The following EXT1 variants were observed in gnomAD, a reference collection of about 807,000 sequenced individuals.
The protein encoded by EXT1 is exostosin-1.
In EXT1, 20 loss-of-function variants were observed where a neutral mutation model predicts 82.5. The observed-to-expected ratio is 0.24, with a 90% CI of 0.17 to 0.35. EXT1 has a LOEUF of 0.35. Ranked by LOEUF, EXT1 falls within the 10% of genes least tolerant of loss-of-function variation. The pLI, the probability that EXT1 is intolerant of heterozygous loss-of-function variation, is 1.00. For missense variants in EXT1, 757 were observed against 936.5 expected, an observed-to-expected ratio of 0.81 and a Z score of 2.50; for synonymous variants, 348 against 350.8, an observed-to-expected ratio of 0.99 and a Z score of 0.09.
intron 1 of EXT1, among the ~76,000 whole-genome samples, chr8:118,025,374 T>C (rs1816184673): frequency 6.6e-6 from 1 of 152,148 alleles, no homozygotes; most frequent in South Asian, 2.1e-4. Flanking sequence ...CAAAGAATGT[T>C]GGCTCATGGA....
Position 118,045,308 on chromosome 8 carries a change from A to T in EXT1, c.962+64777T>A, listed in dbSNP as rs140221598. On this transcript the variant is annotated intron_variant, in intron 1 of 10. Transcript: ENST00000378204. Reference sequence around the variant, plus strand: ...GCCCCATCACTCAAACAGCAATAGAAGATTTATCGATTTCCTATGCAAAGT... The same window carrying T: ...GCCCCATCACTCAAACAGCAATAGATGATTTATCGATTTCCTATGCAAAGT... Among the ~76,000 whole-genome samples, 643 of 152,334 alleles carry T rather than the reference A, an allele frequency of 4.2e-3. 3 individuals are homozygous for T. The highest frequency in any genetic ancestry group is 0.014 in the African/African-American group (595 of 41,570).
intron 1 of EXT1, among the ~76,000 whole-genome samples, chr8:118,069,109 A>G (rs972166164): frequency 6.6e-6 from 1 of 152,206 alleles, no homozygotes; most frequent in African/African-American, 2.4e-5. Context: ...AGCTGGAGGA[A>G]GCAAGTCATA....
chr8:117,966,024 G>A (rs916371403), intron 1 of EXT1, among the ~76,000 whole-genome samples: 2 of 150,010 alleles, frequency 1.3e-5, no homozygotes, highest in African/African-American at 2.5e-5. Context: ...ATATACACAC[G>A]CACATATACA....
chr8:117,957,140 A>G (rs899756105), intron 1 of EXT1, among the ~76,000 whole-genome samples: 1 of 152,234 alleles, frequency 6.6e-6, no homozygotes, highest in Non-Finnish European at 1.5e-5. Context: ...AGTTACACAC[A>G]CAACGAGGGG....
intron 1 of EXT1, among the ~76,000 whole-genome samples, chr8:118,049,782 A>G (rs1194823303): frequency 6.6e-6 from 1 of 152,104 alleles, no homozygotes; most frequent in Non-Finnish European, 1.5e-5. Flanking sequence ...CAACCACATC[A>G]GCTTAACAAG....
intron 1 of EXT1, among the ~76,000 whole-genome samples, chr8:117,875,242 C>G (rs1425731652): frequency 1.3e-5 from 2 of 152,004 alleles, no homozygotes; most frequent in African/African-American, 2.4e-5. Context: ...CGTGCTGAAA[C>G]CCCATCTCTG....
At chr8:118,098,522 C>T (rs974739413) in intron 1 of EXT1, among the ~76,000 whole-genome samples, 11 of 151,918 alleles carry the variant, frequency 7.2e-5, no homozygotes, top group Non-Finnish European at 1.5e-4. Flanking sequence ...TTTGGGAGGC[C>T]GAGGCGGACA....
chr8:117,816,679 T>C (rs920496073), intron 7 of EXT1, among the ~76,000 whole-genome samples: 1 of 152,134 alleles, frequency 6.6e-6, no homozygotes, highest in Non-Finnish European at 1.5e-5. Context: ...CACCATTTTA[T>C]AAAGAAAGAA....
At chr8:117,860,112 C>G (rs1297470011) in intron 1 of EXT1, among the ~76,000 whole-genome samples, 1 of 145,002 alleles carries the variant, frequency 6.9e-6, no homozygotes, top group South Asian at 2.2e-4. Flanking sequence ...ACGCTACTGC[C>G]CTCCAGCCTG....
chr8:117,883,655 C>A (rs1813099180), intron 1 of EXT1, among the ~76,000 whole-genome samples: 1 of 152,226 alleles, frequency 6.6e-6, no homozygotes, highest in African/African-American at 2.4e-5. Context: ...CAAACCCAAA[C>A]TAGAGCTAAT....
At chr8:117,943,610 T>A (rs1481148262) in intron 1 of EXT1, among the ~76,000 whole-genome samples, 1 of 152,228 alleles carries the variant, frequency 6.6e-6, no homozygotes, top group East Asian at 1.9e-4. Flanking sequence ...CGTACATGCC[T>A]GTGGTGTACA....
intron 1 of EXT1, among the ~76,000 whole-genome samples, chr8:117,850,318 G>A (rs1812431948): frequency 6.6e-6 from 1 of 152,226 alleles, no homozygotes; most frequent in Non-Finnish European, 1.5e-5. Flanking sequence ...CTCTAAAGGC[G>A]ATTGCAGTCT....
chr8:118,017,949 C>A (rs1451199859), intron 1 of EXT1, among the ~76,000 whole-genome samples: 1 of 152,206 alleles, frequency 6.6e-6, no homozygotes, highest in Non-Finnish European at 1.5e-5. Context: ...TGGCTCAGAG[C>A]AATTTCGCTT....
intron 1 of EXT1, among the ~76,000 whole-genome samples, chr8:117,877,056 C>G (rs1451292346): frequency 6.6e-6 from 1 of 152,194 alleles, no homozygotes; most frequent in Non-Finnish European, 1.5e-5. Flanking sequence ...GGTCATGTCA[C>G]AGAGGCGTGA....
At chr8:117,896,553 A>G (rs1028024607) in intron 1 of EXT1, among the ~76,000 whole-genome samples, 1 of 152,090 alleles carries the variant, frequency 6.6e-6, no homozygotes, top group Non-Finnish European at 1.5e-5. Flanking sequence ...TCCTCTGCCA[A>G]CTCTCACGGC....
At chr8:117,818,810 G>A (rs1027252626) in intron 6 of EXT1, among the ~76,000 whole-genome samples, 1 of 152,112 alleles carries the variant, frequency 6.6e-6, no homozygotes, top group Non-Finnish European at 1.5e-5. Flanking sequence ...GAAAGCTGCA[G>A]GAAAAAGAAT....
rs116834747 is a variant in EXT1 at position 117,809,136 on chromosome 8, A to T, written c.1723-1759T>A. On this transcript the variant is annotated intron_variant, in intron 8 of 10. Coordinates refer to ENST00000378204, the MANE Select transcript of EXT1 (RefSeq NM_000127.3). ...AGGATTATGTGAGCCAATTACTCAT[A>T]ATAAATCTCTCTCTCAGTGTATGTA... is the stretch of plus-strand genomic sequence containing the variant. Among the ~76,000 whole-genome samples the T allele has an allele frequency of 8.2e-3, 1,238 of 150,120 alleles. 13 individuals carry two copies. The highest frequency in any genetic ancestry group is 0.025 in the African/African-American group (1,035 of 40,894).
At chr8:118,085,378 A>T (rs756043112) in intron 1 of EXT1, among the ~76,000 whole-genome samples, 8 of 152,096 alleles carry the variant, frequency 5.3e-5, no homozygotes, top group Non-Finnish European at 1.2e-4. Context: ...GGGGGACAAC[A>T]ATAAGTGGCA....
intron 1 of EXT1, among the ~76,000 whole-genome samples, chr8:118,105,064 C>T (rs1817784684): frequency 6.6e-6 from 1 of 152,192 alleles, no homozygotes; most frequent in Non-Finnish European, 1.5e-5. Context: ...ACCTTACCAC[C>T]GTTTGCCTCC....
Sources: gnomAD v4.1 joint callset for allele counts (sites outside exome capture counted in the v4.1 genomes callset) on GRCh38, gnomAD v4.1.1 for gene constraint, MANE v1.5 for transcripts, NCBI Gene and HGNC (gene_info 2026-07-23, HGNC 2026-07-21) for gene names.